The following MYBPC1 variants were observed in gnomAD, a reference collection of about 807,000 sequenced individuals.
MYBPC1 encodes myosin-binding protein C, slow-type.
Under a neutral mutation model 147.1 loss-of-function variants are expected in MYBPC1, and 52 were observed. That is an observed-to-expected ratio of 0.35 (90% CI 0.28 to 0.45). The LOEUF is 0.45. MYBPC1 is among the 20% of genes least tolerant of loss of function. MYBPC1 has a pLI of 1.00. For synonymous variants in MYBPC1, 477 were observed against 475.9 expected (o/e 1.00, Z -0.03); for missense variants, 1,228 against 1,440.3 (o/e 0.85, Z 2.39).
At chr12:101,667,613 C>G in intron 22 of MYBPC1, 119 bp from the exon 23 acceptor site, 1 of 1,188,686 alleles carries the variant, frequency 8.4e-7, no homozygotes. Flanking sequence ...GTCATAATGT[C>G]TCTAAATGAT....
At chr12:101,613,351 C>T (rs968395396) in intron 1 of MYBPC1, among the ~76,000 whole-genome samples, 3 of 152,204 alleles carry the variant, frequency 2.0e-5, no homozygotes, top group African/African-American at 7.2e-5. Flanking sequence ...ACAAGAGTCA[C>T]TTGTGGAAAA....
chr12:101,683,137 C>T (rs184619643), intron 30 of MYBPC1, among the ~76,000 whole-genome samples: 24 of 146,206 alleles, frequency 1.6e-4, no homozygotes, highest in African/African-American at 5.6e-4. Context: ...AAAATAGATC[C>T]AATATTTAGA....
the MYBPC1 span, among the ~76,000 whole-genome samples, chr12:101,694,853 C>A: frequency 6.6e-6 from 1 of 151,534 alleles, no homozygotes; most frequent in Non-Finnish European, 1.5e-5. Flanking sequence ...ATTAAACTTG[C>A]TATATAATAT....
intron 24 of MYBPC1, among the ~76,000 whole-genome samples, chr12:101,672,801 T>C (rs1466223423): frequency 6.6e-6 from 1 of 152,160 alleles, no homozygotes; most frequent in Non-Finnish European, 1.5e-5. Context: ...TGAGCCAAGA[T>C]TGTGCCACTG....
intron 2 of MYBPC1, among the ~76,000 whole-genome samples, chr12:101,616,552 T>G (rs536370703): frequency 2.0e-5 from 3 of 152,208 alleles, no homozygotes; most frequent in Non-Finnish European, 4.4e-5. Flanking sequence ...AACAATTCTT[T>G]TCTTACTGAT....
chr12:101,694,490 C>T, the MYBPC1 span, among the ~76,000 whole-genome samples: 1 of 152,144 alleles, frequency 6.6e-6, no homozygotes, highest in Admixed American at 6.5e-5. Flanking sequence ...TATTGGATAT[C>T]ATGAGGGTGG....
intron 31 of MYBPC1, 72 bp from the exon 32 acceptor site, chr12:101,685,510 A>G: frequency 9.7e-7 from 1 of 1,032,728 alleles, no homozygotes; most frequent in South Asian, 1.4e-5. Context: ...GCAGCTAGTC[A>G]AGAAGTATTG....
At chr12:101,650,077 C>T (rs1185706121) in intron 15 of MYBPC1, among the ~76,000 whole-genome samples, 1 of 152,204 alleles carries the variant, frequency 6.6e-6, no homozygotes, top group East Asian at 1.9e-4. Context: ...CCAATACATT[C>T]CTTATGCTTT....
chr12:101,695,767 A>G, the MYBPC1 span, among the ~76,000 whole-genome samples: 6 of 152,204 alleles, frequency 3.9e-5, no homozygotes, highest in Non-Finnish European at 1.5e-5. Context: ...CCATGGAAAC[A>G]TCGTACCAGT....
intron 20 of MYBPC1, among the ~76,000 whole-genome samples, 153 bp from the exon 21 acceptor site, chr12:101,662,205 G>A (rs1015791905): frequency 2.6e-5 from 4 of 151,654 alleles, no homozygotes; most frequent in East Asian, 1.9e-4. Flanking sequence ...CTATTCTCTT[G>A]GAATAAGATA....
chr12:101,659,894 T>G, intron 19 of MYBPC1, 63 bp downstream of exon 19: 1 of 1,582,322 alleles, frequency 6.3e-7, no homozygotes, highest in Non-Finnish European at 8.7e-7. Flanking sequence ...CAGAGTAGAC[T>G]TTCCTTCTTT....
At position 101,684,444 on chromosome 12, in the gene MYBPC1, T is replaced by C; in HGVS notation, c.*19+20T>C. The C allele has an allele frequency of 6.4e-7, 1 of 1,562,040 alleles. No homozygotes were observed. Among genetic ancestry groups the C allele is most frequent in the Non-Finnish European group, 8.8e-7 (1 of 1,141,994 alleles). The stretch of plus-strand genomic sequence containing the variant: ...TCTAAGGTAAGCTTTCATATGGTTT[T>C]GGCATATGAAGCTTATGACTGTCAT... On this transcript the variant is annotated intron_variant, in intron 31 of 31. Transcript: ENST00000361466.
intron 3 of MYBPC1, among the ~76,000 whole-genome samples, chr12:101,622,203 C>T (rs10507133): frequency 6.6e-5 from 10 of 151,954 alleles, no homozygotes; most frequent in African/African-American, 1.7e-4. Flanking sequence ...TAAGATGCTA[C>T]GTCATTCATA....
chr12:101,617,444 AAAC>A (rs1244576784), intron 3 of MYBPC1, among the ~76,000 whole-genome samples: 1 of 152,268 alleles, frequency 6.6e-6, no homozygotes, highest in African/African-American at 2.4e-5. Flanking sequence ...TCTAAAAGAA[AAAC>A]AACAATGATA....
chr12:101,653,311 C>A, intron 18 of MYBPC1, 63 bp downstream of exon 18: 1 of 1,585,556 alleles, frequency 6.3e-7, no homozygotes. Context: ...CTGCCTACCC[C>A]ACCCCTTGCC....
chr12:101,641,007 G>A (rs1891905137), intron 10 of MYBPC1, among the ~76,000 whole-genome samples: 1 of 151,418 alleles, frequency 6.6e-6, no homozygotes, highest in Non-Finnish European at 1.5e-5. Flanking sequence ...AGCTACTTGG[G>A]AGACTGAGGC....
intron 3 of MYBPC1, among the ~76,000 whole-genome samples, chr12:101,620,458 A>T (rs1366569668): frequency 1.3e-5 from 2 of 152,226 alleles, no homozygotes; most frequent in African/African-American, 2.4e-5. Flanking sequence ...GCCCTCCTGG[A>T]GCCAAGTTAC....
chr12:101,631,457 G>A, intron 6 of MYBPC1, 114 bp from the exon 7 acceptor site: 1 of 1,200,900 alleles, frequency 8.3e-7, no homozygotes, highest in Non-Finnish European at 1.2e-6. Flanking sequence ...ACAATTCCGA[G>A]GGCACCAATC....
At chr12:101,634,663 C>A in intron 9 of MYBPC1, 58 bp downstream of exon 9, 2 of 1,355,382 alleles carry the variant, frequency 1.5e-6, no homozygotes, top group Non-Finnish European at 2.1e-6. Context: ...GGAGGATTTT[C>A]AAACACATTT....
Sources: allele counts gnomAD v4.1 joint callset (sites outside exome capture counted in the v4.1 genomes callset), GRCh38; gene constraint gnomAD v4.1.1; transcripts MANE v1.5; gene names NCBI Gene and HGNC (gene_info 2026-07-23, HGNC 2026-07-21).